Variants in CACNA2D4 observed in about 807,000 individuals in gnomAD.
The protein encoded by CACNA2D4 is calcium voltage-gated channel auxiliary subunit alpha2delta 4.
Under a neutral mutation model 163.8 loss-of-function variants are expected in CACNA2D4, and 157 were observed. The observed-to-expected ratio is 0.96, with a 90% CI of 0.84 to 1.09. The LOEUF (loss-of-function observed/expected upper bound fraction) is 1.09, where lower values mean the gene tolerates loss of function less well. Among genes scored for constraint, CACNA2D4 ranks in the 50% least tolerant of loss-of-function variants. The pLI, the probability that CACNA2D4 is intolerant of heterozygous loss-of-function variation, is 0.00. For synonymous variants in CACNA2D4, 598 were observed against 586.9 expected (o/e 1.02, Z -0.27); for missense variants, 1,410 against 1,479.9 (o/e 0.95, Z 0.78).
chr12:1,905,585 A>T (rs1403587143), intron 6 of CACNA2D4, among the ~76,000 whole-genome samples: 1 of 151,980 alleles, frequency 6.6e-6, no homozygotes, highest in Admixed American at 6.5e-5. Flanking sequence ...AATTATTTTT[A>T]AAAATCCTAT....
chr12:1,865,636 C>T (rs902358403), intron 18 of CACNA2D4, among the ~76,000 whole-genome samples: 2 of 152,212 alleles, frequency 1.3e-5, no homozygotes, highest in African/African-American at 2.4e-5. Context: ...TCCGCTGCGG[C>T]TGCACCACGC....
chr12:1,886,324 C>G lies in CACNA2D4; in HGVS notation c.892G>C (p.Val298Leu), dbSNP rs371792930. 1 of 1,613,768 alleles carries G rather than the reference C, an allele frequency of 6.2e-7. No individual in the cohort carries two copies. Among genetic ancestry groups the G allele is most frequent in the South Asian group, 1.1e-5 (1 of 91,070 alleles). ...CTCAGCCCCTTCATACTGCCGCTCACGTCCACCAAAATCACTATGTCCTTG... is the reference window on the plus strand; with the variant it reads ...CTCAGCCCCTTCATACTGCCGCTCAGGTCCACCAAAATCACTATGTCCTTG... The part of the protein sequence containing the change: ...SPKDIVILVD[V>L]SGSMKGLRMT... Residue 298 changes from valine to leucine, a missense_variant, in exon 8 of 38, where the codon GTG becomes CTG. Transcript: ENST00000382722.
intron 26 of CACNA2D4, among the ~76,000 whole-genome samples, chr12:1,822,863 G>A (rs1864163153): frequency 6.6e-6 from 1 of 152,298 alleles, no homozygotes; most frequent in East Asian, 1.9e-4. Context: ...CTGGCCACAT[G>A]GAATCTCGGG....
chr12:1,898,876 T>G (rs1315116875), intron 6 of CACNA2D4, among the ~76,000 whole-genome samples: 1 of 152,136 alleles, frequency 6.6e-6, no homozygotes, highest in African/African-American at 2.4e-5. Context: ...GTACATAGAA[T>G]AGTTAAATTC....
At chr12:1,871,451 G>A (rs1233615937) in intron 18 of CACNA2D4, among the ~76,000 whole-genome samples, 4 of 147,670 alleles carry the variant, frequency 2.7e-5, no homozygotes, top group African/African-American at 1.0e-4. Context: ...GTATGTTGCT[G>A]GTGTGTGTGT....
rs114592404 is a variant in CACNA2D4 at position 1,844,678 on chromosome 12, T to C, written c.2343-149A>G. On this transcript the variant is annotated intron_variant, in intron 24 of 37. Transcript: ENST00000382722. This position sits in a 1 kb window ranked among gnomAD's most constrained non-coding sequence, Gnocchi z 4.2. ...GGCCCCAGACAATGCTTCCCAGCAATTCTCGCCTTTTCCAGAAACAAAACG... is the reference window on the plus strand; with the variant it reads ...GGCCCCAGACAATGCTTCCCAGCAACTCTCGCCTTTTCCAGAAACAAAACG... 875 of 779,174 alleles carry C rather than the reference T, an allele frequency of 1.1e-3. 5 individuals carry two copies. The African/African-American group carries it at 0.014, about 12-fold the overall frequency. The allele number at this position is 779,174 out of a possible 1,614,324, so 48.3% of individuals were successfully genotyped here. A position where few individuals can be genotyped will look rare whatever the true frequency, so the allele number is the denominator to read the frequency against.
In CACNA2D4 at chr12:1,915,244, G is replaced by A. The variant is rs7307854; in HGVS notation, c.228-309C>T. The A allele has an allele frequency of 6.2e-3, 4,377 of 702,592 alleles. 77 individuals are homozygous for A. Among genetic ancestry groups the A allele is most frequent in the African/African-American group, 0.041 (2,356 of 57,366 alleles). 43.5% of individuals were successfully genotyped at this position (702,592 alleles called of 1,614,324 possible). A position where few individuals can be genotyped will look rare whatever the true frequency, so the allele number is the denominator to read the frequency against. On this transcript the variant is annotated intron_variant, in intron 1 of 37. Transcript: ENST00000382722. ...TACAGCCATGGCCTGGGCAGGAGACGCGGAGAACCCTCAGGACCCAGCGGC... is the reference window on the plus strand; with the variant it reads ...TACAGCCATGGCCTGGGCAGGAGACACGGAGAACCCTCAGGACCCAGCGGC...
chr12:1,832,347 A>G (rs1864672422), intron 26 of CACNA2D4, among the ~76,000 whole-genome samples: 1 of 152,198 alleles, frequency 6.6e-6, no homozygotes, highest in Non-Finnish European at 1.5e-5. Context: ...ATGAGAATTA[A>G]ATGTGGCAAT....
rs1363428124 is a variant in CACNA2D4, at chr12:1,843,974, A to G, written c.2470+428T>C. Among the ~76,000 whole-genome samples, 2 of 152,130 alleles carry G rather than the reference A, an allele frequency of 1.3e-5. No individual in the cohort carries two copies. The highest frequency in any genetic ancestry group is 2.4e-5 in the African/African-American group (1 of 41,430). ...CGGGTTGCTTTCTTTCTGTTTGGGA[A>G]GAGCAGGGCAGCCCCACTGACTTAG... On this transcript the variant is annotated intron_variant, in intron 25 of 37. Transcript: ENST00000382722. The surrounding 1 kb of genome is among the most constrained non-coding windows in gnomAD (Gnocchi z 4.6).
At position 1,884,824 on chromosome 12, in the gene CACNA2D4, C is replaced by T. The variant is rs375148197; in HGVS notation, c.1216G>A (p.Gly406Ser). ...CNQAIMLISD[G>S]AVEDYEPVFE... ...ACCGGCTCGTAGTCCTCCACGGCGCCGTCGCTGATGAGCATGATGGCCTGG... is the reference window on the plus strand; with the variant it reads ...ACCGGCTCGTAGTCCTCCACGGCGCTGTCGCTGATGAGCATGATGGCCTGG... The change falls in exon 11 of 38, where the codon GGC (glycine) becomes AGC (serine). Residue 406 changes from glycine (G) to serine (S), a missense_variant. By Grantham distance (56) the Gly-to-Ser change is moderately conservative. Transcript: ENST00000382722. The T allele has an allele frequency of 3.0e-5, 48 of 1,613,692 alleles. No individual in the cohort carries two copies. In the African/African-American group the frequency reaches 5.1e-4, roughly 17 times the overall value.
intron 13 of CACNA2D4, among the ~76,000 whole-genome samples, chr12:1,880,762 T>A (rs1865976629): frequency 1.3e-5 from 2 of 152,244 alleles, no homozygotes; most frequent in Non-Finnish European, 1.5e-5. Flanking sequence ...GAAGTAAGGC[T>A]TTCTGAGAGT....
At chr12:1,811,359 G>A (rs1226127125) in intron 27 of CACNA2D4, among the ~76,000 whole-genome samples, 4 of 152,334 alleles carry the variant, frequency 2.6e-5, no homozygotes, top group South Asian at 4.1e-4. Context: ...CCTGGACCCC[G>A]GACCTTGGAC....
At chr12:1,818,059 C>T (rs1402155615) in intron 26 of CACNA2D4, among the ~76,000 whole-genome samples, 4 of 151,480 alleles carry the variant, frequency 2.6e-5, no homozygotes, top group Admixed American at 2.6e-4. Context: ...GCCCGGCCGC[C>T]CATCGTCTGA....
intron 26 of CACNA2D4, chr12:1,827,586 C>T (rs539728311): frequency 2.7e-4 from 42 of 153,238 alleles, no homozygotes; most frequent in Middle Eastern, 3.4e-3. Flanking sequence ...CTGCCTCCCT[C>T]GGGCCATGGT....
At chr12:1,803,559 A>G (rs947453516) in intron 29 of CACNA2D4, among the ~76,000 whole-genome samples, 1 of 152,178 alleles carries the variant, frequency 6.6e-6, no homozygotes, top group South Asian at 2.1e-4. Flanking sequence ...TAAAATTAAA[A>G]CGTAAGGATG....
chr12:1,905,372 T>TA (rs1195011110), intron 6 of CACNA2D4, among the ~76,000 whole-genome samples: 1 of 151,972 alleles, frequency 6.6e-6, no homozygotes, highest in Non-Finnish European at 1.5e-5. Flanking sequence ...CAATTAGGCA[T>TA]AAAAAAGAAA....
At chr12:1,861,341 G>A in intron 18 of CACNA2D4, among the ~76,000 whole-genome samples, 1 of 152,172 alleles carries the variant, frequency 6.6e-6, no homozygotes, top group East Asian at 1.9e-4. Flanking sequence ...TATTGCAGCG[G>A]TCGTGGGATG....
intron 36 of CACNA2D4, 85 bp downstream of exon 36, chr12:1,795,583 G>T: frequency 1.9e-6 from 2 of 1,027,126 alleles, no homozygotes; most frequent in Non-Finnish European, 1.5e-6. Context: ...AAGGAGGCTG[G>T]CCCCGCTGCT....
At position 1,898,677 on chromosome 12, in the gene CACNA2D4, C is replaced by CTGTGTGTGTG. The variant is rs148994217; in HGVS notation, c.781+8753_781+8762dup. Among the ~76,000 whole-genome samples, 443 of 149,396 alleles carry CTGTGTGTGTG rather than the reference C, an allele frequency of 3.0e-3. 4 individuals carry two copies. The highest frequency in any genetic ancestry group is 1.0e-2 in the African/African-American group (408 of 40,930). On this transcript the variant is annotated intron_variant, in intron 6 of 37. Coordinates refer to ENST00000382722, the MANE Select transcript of CACNA2D4 (RefSeq NM_172364.5). ...TGCATCCTTTTACATTCCCACAACT[C>CTGTGTGTGTG]TGTGTGTGTGTGTGTGTGTGTGTAT...
Sources: allele counts gnomAD v4.1 joint callset (sites outside exome capture counted in the v4.1 genomes callset), GRCh38; gene constraint gnomAD v4.1.1; non-coding constraint Gnocchi (gnomAD v3.1); transcripts MANE v1.5; gene names NCBI Gene and HGNC (gene_info 2026-07-23, HGNC 2026-07-21).